The following BCL11B variants were observed in gnomAD, a reference collection of about 807,000 sequenced individuals.
BCL11B encodes the protein BCL11 transcription factor B.
BCL11B carries 8 observed loss-of-function variants against 49.9 expected under a neutral mutation model. The ratio of observed to expected loss-of-function variants is 0.16; its 90% confidence interval spans 0.09 to 0.29. The LOEUF (loss-of-function observed/expected upper bound fraction) is 0.29. BCL11B is among the 10% of genes least tolerant of loss of function. BCL11B has a pLI of 1.00. For synonymous variants in BCL11B, 739 were observed against 637.4 expected (o/e 1.16, Z -2.40); for missense variants, 1,006 against 1,351.0 (o/e 0.74, Z 4.00).
At chr14:99,202,487 T>C (rs368994139) in intron 3 of BCL11B, among the ~76,000 whole-genome samples, 1 of 152,196 alleles carries the variant, frequency 6.6e-6, no homozygotes. Context: ...TCAGCCAAAA[T>C]GTGCCTTGAA....
intron 2 of BCL11B, among the ~76,000 whole-genome samples, chr14:99,256,357 A>G (rs1324993421): frequency 1.3e-5 from 2 of 152,146 alleles, no homozygotes; most frequent in Non-Finnish European, 2.9e-5. Context: ...TGCTCATCTA[A>G]TCCTCACACC....
chr14:99,186,832 G>A (rs933605161), intron 3 of BCL11B, among the ~76,000 whole-genome samples: 7 of 152,172 alleles, frequency 4.6e-5, no homozygotes, highest in Non-Finnish European at 8.8e-5. Flanking sequence ...GGATGCATGT[G>A]AACCCTTCAG....
At chr14:99,183,885 T>A (rs890991831) in intron 3 of BCL11B, among the ~76,000 whole-genome samples, 6 of 151,754 alleles carry the variant, frequency 4.0e-5, no homozygotes, top group African/African-American at 1.5e-4. Flanking sequence ...AAAAGGCCTC[T>A]CTTCCTCAGC....
At chr14:99,250,896 G>A (rs1261630830) in intron 2 of BCL11B, among the ~76,000 whole-genome samples, 2 of 151,352 alleles carry the variant, frequency 1.3e-5, no homozygotes, top group Admixed American at 6.6e-5. Context: ...TATGTGACCA[G>A]TATTGTCTGT....
intron 2 of BCL11B, among the ~76,000 whole-genome samples, chr14:99,245,570 G>C (rs1304073914): frequency 6.6e-6 from 1 of 152,224 alleles, no homozygotes; most frequent in African/African-American, 2.4e-5. Flanking sequence ...GCCAAGGTGG[G>C]CTGAGGAAGA....
intron 3 of BCL11B, among the ~76,000 whole-genome samples, chr14:99,181,721 C>T (rs1480421851): frequency 1.3e-5 from 2 of 152,192 alleles, no homozygotes; most frequent in South Asian, 2.1e-4. Flanking sequence ...GGGTATGACA[C>T]GTCACTGGGG....
intron 3 of BCL11B, among the ~76,000 whole-genome samples, chr14:99,182,385 C>T (rs978700015): frequency 2.0e-5 from 3 of 152,168 alleles, no homozygotes; most frequent in African/African-American, 7.2e-5. Context: ...TCTTGTTATG[C>T]TGTTCTGATA....
intron 3 of BCL11B, among the ~76,000 whole-genome samples, chr14:99,202,968 C>T (rs540956058): frequency 6.6e-6 from 1 of 152,174 alleles, no homozygotes; most frequent in Non-Finnish European, 1.5e-5. Flanking sequence ...GTCGGACAGC[C>T]GGTGAAAAGC....
rs533076915 is a variant in BCL11B, at chr14:99,228,237, C to T, written c.640+3108G>A. 1.3e-5 allele frequency among the ~76,000 whole-genome samples: 2 copies of T among 152,280 alleles called. No individual in the cohort carries two copies. Among genetic ancestry groups the T allele is most frequent in the Admixed American group, 6.5e-5 (1 of 15,302 alleles). On this transcript the variant is annotated intron_variant, in intron 3 of 3. Coordinates refer to ENST00000357195, the MANE Select transcript of BCL11B (RefSeq NM_138576.4). This position sits in a 1 kb window ranked among gnomAD's most constrained non-coding sequence, Gnocchi z 4.8. Reference sequence around the variant, plus strand: ...TTTACAAAGGCCTGCTTCTTCCTAACGGGTTACTGGGAACTTAATGACTCC... The same window carrying T: ...TTTACAAAGGCCTGCTTCTTCCTAATGGGTTACTGGGAACTTAATGACTCC...
chr14:99,260,343 T>C (rs1411193103), intron 1 of BCL11B, among the ~76,000 whole-genome samples: 9 of 152,192 alleles, frequency 5.9e-5, no homozygotes, highest in Admixed American at 5.9e-4. Context: ...GACCGTCCTT[T>C]CTGAGGGCGA....
chr14:99,259,005 C>CA (rs1555384425), intron 1 of BCL11B, among the ~76,000 whole-genome samples: 11 of 151,778 alleles, frequency 7.2e-5, no homozygotes, highest in South Asian at 2.1e-4. Flanking sequence ...ACTCGGCAGC[C>CA]AAAAGTGTCA....
chr14:99,269,948 G>A (rs545459621), intron 1 of BCL11B, among the ~76,000 whole-genome samples: 2 of 149,112 alleles, frequency 1.3e-5, no homozygotes, highest in South Asian at 4.2e-4. Context: ...AAAGAACGGC[G>A]GGGAAATGTT....
intron 3 of BCL11B, among the ~76,000 whole-genome samples, chr14:99,209,969 C>T (rs970415804): frequency 1.3e-5 from 2 of 152,136 alleles, no homozygotes; most frequent in Admixed American, 6.5e-5. Context: ...CTGAGCCCCC[C>T]GAGACTCTCA....
chr14:99,199,673 T>TGCGCGCGCGCGCGCACAC (rs774405509), intron 3 of BCL11B, among the ~76,000 whole-genome samples: 2 of 84,402 alleles, frequency 2.4e-5, no homozygotes, highest in Non-Finnish European at 2.7e-5. Context: ...TGTGTGTGTG[T>TGCGCGCGCGCGCGCACAC]GTGTGTGTGT....
chr14:99,174,021 T>C lies in BCL11B; in HGVS notation c.*130A>G, dbSNP rs1017304901. Reference sequence around the variant, plus strand: ...TTCGCAGACACAGGTTAGGTTGGAGTGCCGCCTCCCCTGGGCCCCGGGGAC... The same window carrying C: ...TTCGCAGACACAGGTTAGGTTGGAGCGCCGCCTCCCCTGGGCCCCGGGGAC... On this transcript the variant is annotated 3_prime_UTR_variant, in exon 4 of 4. Coordinates refer to ENST00000357195, the MANE Select transcript of BCL11B (RefSeq NM_138576.4). 5 of 872,254 alleles carry C rather than the reference T, an allele frequency of 5.7e-6. No individual in the cohort carries two copies. The highest frequency in any genetic ancestry group is 3.4e-5 in the African/African-American group (2 of 58,956). The allele number at this position is 872,254 out of a possible 1,614,324, so 54.0% of individuals were successfully genotyped here.
chr14:99,229,387 G>A (rs1204032672), intron 3 of BCL11B, among the ~76,000 whole-genome samples: 3 of 152,154 alleles, frequency 2.0e-5, no homozygotes, highest in African/African-American at 7.2e-5. Flanking sequence ...CCAAGGCAGT[G>A]GAAAGCTCAT....
In BCL11B at chr14:99,184,203, C is replaced by T. The variant is rs1886789098; in HGVS notation, c.641-8008G>A. On this transcript the variant is annotated intron_variant, in intron 3 of 3. Transcript: ENST00000357195. The surrounding 1 kb of genome is among the most constrained non-coding windows in gnomAD (Gnocchi z 6.1). ...CCTCCCTTTGGGCAGCGCATTTTCACACCTCCATGCCCTTGCTGGTGCCAT... is the reference window on the plus strand; with the variant it reads ...CCTCCCTTTGGGCAGCGCATTTTCATACCTCCATGCCCTTGCTGGTGCCAT... Among the ~76,000 whole-genome samples the T allele has an allele frequency of 6.6e-6, 1 of 152,228 alleles. No individual in the cohort carries two copies. The highest frequency in any genetic ancestry group is 2.1e-4 in the South Asian group (1 of 4,832).
At chr14:99,225,255 C>T (rs1888126049) in intron 3 of BCL11B, among the ~76,000 whole-genome samples, 1 of 152,238 alleles carries the variant, frequency 6.6e-6, no homozygotes, top group African/African-American at 2.4e-5. Context: ...GCTTCATCCC[C>T]ACTCTCTGCC....
In BCL11B at chr14:99,184,443, G is replaced by A. The variant is rs1886795117; in HGVS notation, c.641-8248C>T. ...CAATGTTGGCCTTTTGCTGTCAGGT[G>A]GATGCTCACAGCCACTTTGGAAAGT... On this transcript the variant is annotated intron_variant, in intron 3 of 3. Transcript: ENST00000357195. This position sits in a 1 kb window ranked among gnomAD's most constrained non-coding sequence, Gnocchi z 6.1. 6.6e-6 allele frequency among the ~76,000 whole-genome samples: 1 copy of A among 152,188 alleles called. No individual in the cohort carries two copies. The highest frequency in any genetic ancestry group is 2.4e-5 in the African/African-American group (1 of 41,444).
Sources: gnomAD v4.1 joint callset for allele counts (sites outside exome capture counted in the v4.1 genomes callset) on GRCh38, gnomAD v4.1.1 for gene constraint, Gnocchi (gnomAD v3.1) non-coding constraint, MANE v1.5 for transcripts, NCBI Gene and HGNC (gene_info 2026-07-23, HGNC 2026-07-21) for gene names.